The following SPMAP2L variants were observed in gnomAD, a reference collection of about 807,000 sequenced individuals.
SPMAP2L encodes sperm microtubule associated protein 2 like.
chr4:56,581,507 C>G, the SPMAP2L span, among the ~76,000 whole-genome samples: 1 of 151,230 alleles, frequency 6.6e-6, no homozygotes, highest in Admixed American at 6.6e-5. Flanking sequence ...GTAGTACCAG[C>G]TACTTGGGAG....
At chr4:56,573,728 TG>T in the SPMAP2L span, among the ~76,000 whole-genome samples, 1 of 151,964 alleles carries the variant, frequency 6.6e-6, no homozygotes, top group Non-Finnish European at 1.5e-5. Flanking sequence ...GGTATGGGTG[TG>T]GGTAGGTGAG....
At chr4:56,574,431 A>T in the SPMAP2L span, among the ~76,000 whole-genome samples, 4 of 152,106 alleles carry the variant, frequency 2.6e-5, no homozygotes, top group East Asian at 7.7e-4. Flanking sequence ...AAAATAATAA[A>T]TAGACAAATA....
chr4:56,570,816 AT>A, the SPMAP2L span, among the ~76,000 whole-genome samples: 1 of 151,668 alleles, frequency 6.6e-6, no homozygotes, highest in Non-Finnish European at 1.5e-5. Flanking sequence ...TTATTTATTT[AT>A]TTTTGAGACA....
the SPMAP2L span, among the ~76,000 whole-genome samples, chr4:56,543,572 G>C: frequency 0.011 from 1,738 of 152,120 alleles, 19 homozygotes; most frequent in Non-Finnish European, 0.018. Context: ...TGCACCAGTA[G>C]TCCCAGCTAC....
chr4:56,586,006 A>T, the SPMAP2L span, among the ~76,000 whole-genome samples: 8 of 152,110 alleles, frequency 5.3e-5, no homozygotes, highest in Non-Finnish European at 8.8e-5. Flanking sequence ...CAATGATTTT[A>T]TTATGTTCAA....
chr4:56,586,916 A>T, the SPMAP2L span, among the ~76,000 whole-genome samples: 2 of 151,946 alleles, frequency 1.3e-5, no homozygotes, highest in Non-Finnish European at 2.9e-5. Context: ...CTTAAAAAAA[A>T]CTGCCACACC....
At chr4:56,621,820 G>C in the SPMAP2L span, among the ~76,000 whole-genome samples, 1 of 152,172 alleles carries the variant, frequency 6.6e-6, no homozygotes, top group Non-Finnish European at 1.5e-5. Context: ...GTGGCTGCCA[G>C]GGCTGGAAAA....
chr4:56,531,099 C>T, the SPMAP2L span: 2 of 1,535,548 alleles, frequency 1.3e-6, no homozygotes, highest in Non-Finnish European at 8.7e-7. Context: ...TGCTTCCCAG[C>T]GCCGCAGTAA....
the SPMAP2L span, chr4:56,600,793 A>T: frequency 1.3e-6 from 1 of 798,094 alleles, no homozygotes; most frequent in East Asian, 2.7e-5. Context: ...AGGAGCAAGG[A>T]TGGAAGCAGA....
At chr4:56,579,287 G>A in the SPMAP2L span, among the ~76,000 whole-genome samples, 1 of 152,096 alleles carries the variant, frequency 6.6e-6, no homozygotes, top group African/African-American at 2.4e-5. Context: ...CAATGAAATT[G>A]GAAACTGATA....
the SPMAP2L span, among the ~76,000 whole-genome samples, chr4:56,543,305 G>T: frequency 5.9e-5 from 9 of 152,038 alleles, no homozygotes; most frequent in Non-Finnish European, 8.8e-5. Context: ...GGATGGTCTC[G>T]ACCTCCTGCC....
chr4:56,570,336 T>C, the SPMAP2L span, among the ~76,000 whole-genome samples: 1 of 152,218 alleles, frequency 6.6e-6, no homozygotes, highest in Non-Finnish European at 1.5e-5. Context: ...AATGCATCCG[T>C]AGGTGATTTA....
At chr4:56,558,160 G>A in the SPMAP2L span, among the ~76,000 whole-genome samples, 19 of 152,120 alleles carry the variant, frequency 1.2e-4, no homozygotes, top group Admixed American at 5.9e-4. Flanking sequence ...TAGAGACAGG[G>A]TTTCACCATG....
the SPMAP2L span, chr4:56,594,645 T>C: frequency 7.4e-7 from 1 of 1,345,480 alleles, no homozygotes; most frequent in Non-Finnish European, 1.1e-6. Context: ...ATGGCAGGCA[T>C]GAAGATTCAG....
the SPMAP2L span, chr4:56,593,340 A>T: frequency 8.7e-7 from 1 of 1,149,736 alleles, no homozygotes; most frequent in Non-Finnish European, 1.3e-6. Context: ...ACCCACAGAC[A>T]ATAGCTGTTG....
the SPMAP2L span, chr4:56,548,816 A>C: frequency 1.7e-4 from 252 of 1,486,574 alleles, no homozygotes; most frequent in Non-Finnish European, 2.1e-4. Flanking sequence ...TGACTTTGTA[A>C]GGAAATGGTA....
At chr4:56,539,819 G>T in the SPMAP2L span, among the ~76,000 whole-genome samples, 61 of 152,286 alleles carry the variant, frequency 4.0e-4, no homozygotes, top group Admixed American at 3.8e-3. Flanking sequence ...CCCTAAAGTA[G>T]GCACCCTCTC....
At chr4:56,584,462 C>G in the SPMAP2L span, 8 of 1,370,186 alleles carry the variant, frequency 5.8e-6, no homozygotes, top group Non-Finnish European at 8.0e-6. Context: ...CTCCATCCAA[C>G]AGTTATAATA....
chr4:56,567,424 A>G, the SPMAP2L span, among the ~76,000 whole-genome samples: 42,299 of 136,774 alleles, frequency 0.31, 9,063 homozygotes, highest in African/African-American at 0.62. Context: ...ACACCACCAC[A>G]CCTGGCTAAT....
Sources: gnomAD v4.1 joint callset for allele counts (sites outside exome capture counted in the v4.1 genomes callset) on GRCh38, gnomAD v4.1.1 for gene constraint, MANE v1.5 for transcripts, NCBI Gene and HGNC (gene_info 2026-07-23, HGNC 2026-07-21) for gene names.